CNTN3: variants seen among roughly 807,000 people sequenced by gnomAD.
CNTN3 encodes the protein contactin 3.
In CNTN3, 60 loss-of-function variants were observed where a neutral mutation model predicts 119.1. The observed-to-expected ratio is 0.50, with a 90% CI of 0.41 to 0.62. CNTN3 has a LOEUF of 0.62. CNTN3 is among the 20% of genes least tolerant of loss of function. CNTN3 has a pLI of 0.00. For missense variants in CNTN3, 1,101 were observed against 1,242.4 expected, an observed-to-expected ratio of 0.89 and a Z score of 1.71; for synonymous variants, 450 against 438.7, an observed-to-expected ratio of 1.03 and a Z score of -0.32.
intron 8 of CNTN3, among the ~76,000 whole-genome samples, chr3:74,366,769 T>TGC (rs1704199262): frequency 1.4e-5 from 1 of 71,362 alleles, no homozygotes; most frequent in Non-Finnish European, 2.6e-5. Flanking sequence ...CGTGTGTGTG[T>TGC]GTGTGTGTGT....
intron 5 of CNTN3, among the ~76,000 whole-genome samples, chr3:74,410,946 T>C (rs189830131): frequency 1.3e-5 from 2 of 152,200 alleles, no homozygotes; most frequent in East Asian, 3.9e-4. Flanking sequence ...AAGTGAACAG[T>C]CAAGCTGAAT....
intron 5 of CNTN3, among the ~76,000 whole-genome samples, chr3:74,414,140 G>A (rs1559589824): frequency 6.6e-6 from 1 of 152,164 alleles, no homozygotes; most frequent in Non-Finnish European, 1.5e-5. Context: ...GGAAATTTCA[G>A]TTACACAACT....
chr3:74,439,327 CA>C (rs1308306177), intron 4 of CNTN3, among the ~76,000 whole-genome samples: 1 of 151,918 alleles, frequency 6.6e-6, no homozygotes, highest in Non-Finnish European at 1.5e-5. Flanking sequence ...GCCAACATGG[CA>C]AAACCCCACC....
chr3:74,553,799 C>T (rs1405606711), intron 1 of CNTN3, among the ~76,000 whole-genome samples: 3 of 151,808 alleles, frequency 2.0e-5, no homozygotes, highest in Non-Finnish European at 4.4e-5. Context: ...TTAAGTTCTT[C>T]GTAGATTACG....
chr3:74,271,616 A>C (rs184295718), intron 20 of CNTN3, among the ~76,000 whole-genome samples: 23 of 152,306 alleles, frequency 1.5e-4, no homozygotes, highest in Admixed American at 1.5e-3. Context: ...TATGTTTCTC[A>C]ACTCTTTTTC....
rs772397139 is a variant in CNTN3, at chr3:74,371,311, G to A, written c.543C>T (p.Leu181=). 1.4e-5 allele frequency: 23 copies of A among 1,613,018 alleles called. No individual in the cohort carries two copies. The East Asian group carries it at 4.9e-4, about 34-fold the overall frequency. Residue 181 remains leucine (L), a synonymous_variant, in exon 6 of 23, where the codon CTC becomes CTT. Transcript: ENST00000263665. ...CAGACGGCTCCACCTTAGATATGTAGAGGTGCCCTGTCTCCTGGGAGACAA... is the reference window on the plus strand; with the variant it reads ...CAGACGGCTCCACCTTAGATATGTAAAGGTGCCCTGTCTCCTGGGAGACAA... The part of the protein sequence containing the change: ...RRFVSQETGH[L]YISKVEPSDV...
At chr3:74,593,464 A>T (rs1040986960) in intron 1 of CNTN3, among the ~76,000 whole-genome samples, 1 of 152,040 alleles carries the variant, frequency 6.6e-6, no homozygotes, top group African/African-American at 2.4e-5. Context: ...ATGTAACATA[A>T]TTAGTCTAGA....
intron 19 of CNTN3, 71 bp from the exon 20 acceptor site, chr3:74,285,562 T>C: frequency 7.0e-7 from 1 of 1,420,516 alleles, no homozygotes; most frequent in Non-Finnish European, 9.6e-7. Context: ...TGATTTTCAT[T>C]AAAATGGGCA....
At chr3:74,386,893 A>C (rs1704761275) in intron 5 of CNTN3, among the ~76,000 whole-genome samples, 2 of 152,206 alleles carry the variant, frequency 1.3e-5, no homozygotes, top group Non-Finnish European at 1.5e-5. Flanking sequence ...AGGAGGATCA[A>C]AATGTAGGTT....
At chr3:74,331,642 G>A (rs1703267276) in intron 13 of CNTN3, among the ~76,000 whole-genome samples, 1 of 152,072 alleles carries the variant, frequency 6.6e-6, no homozygotes, top group Non-Finnish European at 1.5e-5. Flanking sequence ...GAACCACATC[G>A]TGCCTATGAT....
chr3:74,353,362 G>C (rs1298190665), intron 11 of CNTN3, among the ~76,000 whole-genome samples: 2 of 152,148 alleles, frequency 1.3e-5, no homozygotes, highest in Non-Finnish European at 2.9e-5. Context: ...TTCACAAATG[G>C]CAAAAGTGGC....
Position 74,486,591 on chromosome 3 carries a change from G to T in CNTN3, c.223C>A (p.His75Asn). ...TTTCCTCCATTCAACTTATAACGATGTTCCATACTCATATCAATATCACTT... is the reference window on the plus strand; with the variant it reads ...TTTCCTCCATTCAACTTATAACGATTTTCCATACTCATATCAATATCACTT... ...NGSDIDMSME[H>N]RYKLNGGNLV... The change falls in exon 4 of 23, where the codon CAT becomes AAT. Residue 75 changes from histidine (H) to asparagine (N), a missense_variant. By Grantham distance (68) the His-to-Asn change is moderately conservative. Coordinates refer to ENST00000263665, the MANE Select transcript of CNTN3 (RefSeq NM_020872.3). 2 of 1,605,644 alleles carry T rather than the reference G, an allele frequency of 1.2e-6. No individual in the cohort carries two copies. The highest frequency in any genetic ancestry group is 1.7e-6 in the Non-Finnish European group (2 of 1,177,944).
At chr3:74,537,757 A>G (rs549204479) in intron 1 of CNTN3, among the ~76,000 whole-genome samples, 4 of 152,260 alleles carry the variant, frequency 2.6e-5, no homozygotes, top group Admixed American at 2.6e-4. Context: ...AAGCCTCAGC[A>G]AGAAGTACAT....
intron 5 of CNTN3, among the ~76,000 whole-genome samples, chr3:74,377,163 C>G (rs1398728938): frequency 2.0e-5 from 3 of 152,028 alleles, no homozygotes; most frequent in African/African-American, 7.2e-5. Flanking sequence ...TGTACACTGT[C>G]ATGAGAGGTA....
At chr3:74,538,251 T>C (rs1322477487) in intron 1 of CNTN3, among the ~76,000 whole-genome samples, 1 of 152,158 alleles carries the variant, frequency 6.6e-6, no homozygotes. Context: ...GTTGAAAGGA[T>C]TTTGTGCAGA....
Position 74,336,624 on chromosome 3 carries a change from C to A in CNTN3, c.1399G>T (p.Ala467Ser). Residue 467 changes from alanine to serine, a missense_variant, in exon 12 of 23, where the codon GCC becomes TCC. Coordinates refer to ENST00000263665, the MANE Select transcript of CNTN3 (RefSeq NM_020872.3). ...CCAGCATCAGCTTTAGTCACATTGG[C>A]TATTTTGAGTCCTCCATCGTTTAAC... Reference protein sequence around the residue: ...SLLNDGGLKIANVTKADAGTY... With the variant: ...SLLNDGGLKISNVTKADAGTY... 6.2e-7 allele frequency: 1 copy of A among 1,611,068 alleles called. No homozygotes were observed. Among genetic ancestry groups the A allele is most frequent in the Non-Finnish European group, 8.5e-7 (1 of 1,177,940 alleles).
At chr3:74,335,688 A>G (rs1703376198) in intron 12 of CNTN3, among the ~76,000 whole-genome samples, 1 of 152,094 alleles carries the variant, frequency 6.6e-6, no homozygotes, top group South Asian at 2.1e-4. Flanking sequence ...CATCCTGCTG[A>G]TATATCAAAA....
intron 5 of CNTN3, among the ~76,000 whole-genome samples, chr3:74,387,164 T>A (rs1026826979): frequency 6.6e-6 from 1 of 152,182 alleles, no homozygotes; most frequent in Non-Finnish European, 1.5e-5. Flanking sequence ...GGAAGCTGCT[T>A]TTTAATAGTA....
intron 1 of CNTN3, among the ~76,000 whole-genome samples, chr3:74,586,187 C>G (rs1395054320): frequency 1.3e-5 from 2 of 152,086 alleles, no homozygotes; most frequent in Non-Finnish European, 2.9e-5. Context: ...TATTTTTCTA[C>G]AGAGATTCCA....
Sources: allele counts gnomAD v4.1 joint callset (sites outside exome capture counted in the v4.1 genomes callset), GRCh38; gene constraint gnomAD v4.1.1; transcripts MANE v1.5; gene names NCBI Gene and HGNC (gene_info 2026-07-23, HGNC 2026-07-21).